PALLD: variants seen among roughly 807,000 people sequenced by gnomAD.
The protein encoded by PALLD is palladin.
Under a neutral mutation model 123.5 loss-of-function variants are expected in PALLD, and 61 were observed. That is an observed-to-expected ratio of 0.49 (90% CI 0.40 to 0.61). The LOEUF (loss-of-function observed/expected upper bound fraction) is 0.61, where lower values mean the gene tolerates loss of function less well. PALLD is among the 20% of genes least tolerant of loss of function. The pLI, the probability that PALLD is intolerant of heterozygous loss-of-function variation, is 0.00. For synonymous variants in PALLD, 465 were observed against 496.4 expected (o/e 0.94, Z 0.84); for missense variants, 1,273 against 1,377.0 (o/e 0.92, Z 1.20).
intron 1 of PALLD, among the ~76,000 whole-genome samples, chr4:168,504,419 C>A (rs955989771): frequency 1.9e-4 from 29 of 152,066 alleles, no homozygotes; most frequent in Admixed American, 1.8e-3. Flanking sequence ...TATGGTGAAA[C>A]CCTGTCTCTA....
chr4:168,526,516 C>G (rs1764062687), intron 2 of PALLD, among the ~76,000 whole-genome samples: 1 of 151,722 alleles, frequency 6.6e-6, no homozygotes, highest in African/African-American at 2.4e-5. Flanking sequence ...TTTTTCACTC[C>G]CCATATTTAG....
intron 2 of PALLD, among the ~76,000 whole-genome samples, chr4:168,582,140 A>T (rs1770349315): frequency 6.6e-6 from 1 of 152,000 alleles, no homozygotes; most frequent in South Asian, 2.1e-4. Context: ...CAAGTATCTT[A>T]CTGCTCTCAT....
chr4:168,820,968 G>A (rs925229969), intron 10 of PALLD, among the ~76,000 whole-genome samples: 1 of 152,162 alleles, frequency 6.6e-6, no homozygotes, highest in Non-Finnish European at 1.5e-5. Context: ...AAGAGTTATT[G>A]AGTAATCAAT....
chr4:168,817,011 T>C (rs972168996), intron 10 of PALLD, among the ~76,000 whole-genome samples: 2 of 152,094 alleles, frequency 1.3e-5, no homozygotes, highest in African/African-American at 4.8e-5. Flanking sequence ...TAGAAGTGTG[T>C]CAGGGACTCA....
chr4:168,542,403 G>GA (rs947520343), intron 2 of PALLD, among the ~76,000 whole-genome samples: 1 of 151,364 alleles, frequency 6.6e-6, no homozygotes, highest in African/African-American at 2.4e-5. Context: ...GCAACAGAGA[G>GA]AAAAAAGAAA....
At chr4:168,811,905 A>G (rs1741220410) in intron 10 of PALLD, among the ~76,000 whole-genome samples, 1 of 152,094 alleles carries the variant, frequency 6.6e-6, no homozygotes, top group African/African-American at 2.4e-5. Context: ...TATAAAAACC[A>G]TATCAAAATA....
intron 10 of PALLD, among the ~76,000 whole-genome samples, chr4:168,734,636 G>A (rs951356544): frequency 2.0e-5 from 3 of 152,118 alleles, no homozygotes; most frequent in African/African-American, 7.2e-5. Context: ...ATAAGCTGCT[G>A]TAAACGTTTT....
intron 2 of PALLD, among the ~76,000 whole-genome samples, chr4:168,556,336 C>T (rs935225099): frequency 6.6e-6 from 1 of 152,106 alleles, no homozygotes; most frequent in African/African-American, 2.4e-5. Flanking sequence ...ACCTCGTGAT[C>T]CGCCCGCCTC....
intron 2 of PALLD, among the ~76,000 whole-genome samples, chr4:168,597,270 A>G (rs996111006): frequency 6.6e-6 from 1 of 152,132 alleles, no homozygotes; most frequent in Admixed American, 6.6e-5. Flanking sequence ...TTTTAACACT[A>G]CCTAGAATTA....
chr4:168,568,517 A>G (rs1191283550), intron 2 of PALLD, among the ~76,000 whole-genome samples: 1 of 152,140 alleles, frequency 6.6e-6, no homozygotes, highest in Admixed American at 6.6e-5. Context: ...GCAAAAAGAA[A>G]AACATCTGTC....
At chr4:168,835,262 T>C (rs560740531) in intron 10 of PALLD, among the ~76,000 whole-genome samples, 1 of 152,298 alleles carries the variant, frequency 6.6e-6, no homozygotes, top group Non-Finnish European at 1.5e-5. Flanking sequence ...ACTTCAAAAA[T>C]TGCCTCCCAT....
chr4:168,535,279 T>C (rs1764992036), intron 2 of PALLD, among the ~76,000 whole-genome samples: 1 of 152,238 alleles, frequency 6.6e-6, no homozygotes, highest in Admixed American at 6.5e-5. Flanking sequence ...TTAAGGTACA[T>C]AAGATCTCTT....
At chr4:168,752,993 T>C (rs1361966938) in intron 10 of PALLD, among the ~76,000 whole-genome samples, 1 of 151,970 alleles carries the variant, frequency 6.6e-6, no homozygotes, top group Non-Finnish European at 1.5e-5. Flanking sequence ...AGCTTTTACA[T>C]GGGGTGAAAA....
chr4:168,860,988 G>GC lies in PALLD; in HGVS notation c.1965-29930dup, dbSNP rs1749371081. 3.3e-5 allele frequency among the ~76,000 whole-genome samples: 5 copies of GC among 152,278 alleles called. 1 individual carries two copies. In the South Asian group the frequency reaches 1.0e-3, roughly 32 times the overall value. On this transcript the variant is annotated intron_variant, in intron 10 of 21. Coordinates refer to ENST00000505667, the MANE Select transcript of PALLD (RefSeq NM_001166108.2). ...ACTTCAAATAATATTTTGGTGTGAG[G>GC]CCCCACATGACAACATCTTTCCCCC...
chr4:168,787,090 G>A lies in PALLD; in HGVS notation c.1964+75167G>A, dbSNP rs115545742. 1.9e-3 allele frequency among the ~76,000 whole-genome samples: 295 copies of A among 152,286 alleles called. 1 individual carries two copies. The highest frequency in any genetic ancestry group is 6.8e-3 in the Middle Eastern group (2 of 294). ...TCATTTTTAAAACATGGGAGATAAT[G>A]GCTCTAAATTTCAAAGAAATGTTTA... is the stretch of plus-strand genomic sequence containing the variant. On this transcript the variant is annotated intron_variant, in intron 10 of 21. Coordinates refer to ENST00000505667, the MANE Select transcript of PALLD (RefSeq NM_001166108.2).
intron 1 of PALLD, among the ~76,000 whole-genome samples, 152 bp from the exon 2 acceptor site, chr4:168,511,271 A>G (rs1226419215): frequency 6.6e-6 from 1 of 152,112 alleles, no homozygotes; most frequent in African/African-American, 2.4e-5. Context: ...AATGATCAAC[A>G]CAAGTATACT....
rs78624652 is a variant in PALLD, at chr4:168,788,094, C to T, written c.1964+76171C>T. On this transcript the variant is annotated intron_variant, in intron 10 of 21. Transcript: ENST00000505667. The stretch of plus-strand genomic sequence containing the variant: ...GTGTAGCATGCGATTCCAAAAATCT[C>T]AGTGATTTTTAACAAGAAATATTGC... Among the ~76,000 whole-genome samples the T allele has an allele frequency of 8.2e-3, 1,253 of 152,260 alleles. 7 individuals carry two copies. The highest frequency in any genetic ancestry group is 0.024 in the Middle Eastern group (7 of 294).
At chr4:168,662,398 G>T (rs1480342865) in intron 2 of PALLD, among the ~76,000 whole-genome samples, 2 of 152,178 alleles carry the variant, frequency 1.3e-5, no homozygotes, top group Non-Finnish European at 2.9e-5. Flanking sequence ...TCAAATTGAG[G>T]ATGGCAAATG....
chr4:168,739,978 G>C (rs1307468047), intron 10 of PALLD, among the ~76,000 whole-genome samples: 2 of 152,106 alleles, frequency 1.3e-5, no homozygotes, highest in African/African-American at 4.8e-5. Flanking sequence ...ACAGCCCCTG[G>C]TTTGAAAGTT....
Sources: allele counts gnomAD v4.1 joint callset (sites outside exome capture counted in the v4.1 genomes callset), GRCh38; gene constraint gnomAD v4.1.1; transcripts MANE v1.5; gene names NCBI Gene and HGNC (gene_info 2026-07-23, HGNC 2026-07-21).